SPECC1L: variants seen among roughly 807,000 people sequenced by gnomAD.
SPECC1L encodes sperm antigen with calponin homology and coiled-coil domains 1 like, also known as cytospin-A.
Under a neutral mutation model 116.8 loss-of-function variants are expected in SPECC1L, and 40 were observed. The ratio of observed to expected loss-of-function variants is 0.34; its 90% confidence interval spans 0.27 to 0.45. The LOEUF (loss-of-function observed/expected upper bound fraction) is 0.45, where lower values mean the gene tolerates loss of function less well. SPECC1L is among the 20% of genes least tolerant of loss of function. The pLI is 1.00. For missense variants in SPECC1L, 1,110 were observed against 1,373.6 expected, an observed-to-expected ratio of 0.81 and a Z score of 3.03; for synonymous variants, 504 against 500.6, an observed-to-expected ratio of 1.01 and a Z score of -0.09.
intron 16 of SPECC1L, among the ~76,000 whole-genome samples, chr22:24,413,169 C>T (rs928200722): frequency 6.6e-6 from 1 of 152,180 alleles, no homozygotes; most frequent in Admixed American, 6.5e-5. Context: ...GAGGCTGGAC[C>T]GGGGAGGCTC....
chr22:24,287,287 G>A (rs1408443477), intron 2 of SPECC1L, among the ~76,000 whole-genome samples: 1 of 152,220 alleles, frequency 6.6e-6, no homozygotes, highest in Admixed American at 6.5e-5. Context: ...AGGTATCGGC[G>A]CTGGGGTATT....
chr22:24,384,205 T>C (rs545342383), intron 14 of SPECC1L, among the ~76,000 whole-genome samples: 7 of 151,894 alleles, frequency 4.6e-5, no homozygotes, highest in Non-Finnish European at 1.0e-4. Context: ...TCATAAGTGC[T>C]AAAAGTCAAG....
At chr22:24,348,932 G>A (rs1310347368) in intron 11 of SPECC1L, among the ~76,000 whole-genome samples, 1 of 152,212 alleles carries the variant, frequency 6.6e-6, no homozygotes, top group African/African-American at 2.4e-5. Flanking sequence ...GCACTGTTGA[G>A]CACTCTGTCT....
intron 3 of SPECC1L, among the ~76,000 whole-genome samples, chr22:24,309,246 T>C (rs544617161): frequency 1.3e-5 from 2 of 152,328 alleles, no homozygotes; most frequent in East Asian, 1.9e-4. Context: ...AGGTTCATAA[T>C]AGCCTTTCCA....
rs147755462 is a variant in SPECC1L, at chr22:24,292,969, C to T, written c.-37-9226C>T. Among the ~76,000 whole-genome samples the T allele has an allele frequency of 2.8e-4, 42 of 152,248 alleles. No homozygotes were observed. In the East Asian group the frequency reaches 3.3e-3, roughly 12 times the overall value. ...TAGATTTTTTAGAATACAGATTACA[C>T]AGCAATGAAGAGGATGAGCTGGGCA... On this transcript the variant is annotated intron_variant, in intron 2 of 16. Transcript: ENST00000314328.
intron 14 of SPECC1L, among the ~76,000 whole-genome samples, chr22:24,373,251 T>C (rs1450666024): frequency 6.6e-6 from 1 of 152,160 alleles, no homozygotes; most frequent in Admixed American, 6.5e-5. Context: ...CCAATGACTT[T>C]CTTCACAGAA....
chr22:24,312,142 T>G (rs911224085), intron 3 of SPECC1L, among the ~76,000 whole-genome samples: 1 of 152,096 alleles, frequency 6.6e-6, no homozygotes, highest in African/African-American at 2.4e-5. Flanking sequence ...GTAATTAGTT[T>G]TCAAATTTTT....
chr22:24,361,646 AT>A (rs1013428059), intron 11 of SPECC1L, among the ~76,000 whole-genome samples: 2 of 151,634 alleles, frequency 1.3e-5, no homozygotes, highest in African/African-American at 4.9e-5. Context: ...AAATACAAAA[AT>A]TAGTCAGGTG....
chr22:24,390,817 G>A (rs1334997456), intron 14 of SPECC1L, among the ~76,000 whole-genome samples: 3 of 145,258 alleles, frequency 2.1e-5, no homozygotes, highest in African/African-American at 7.7e-5. Flanking sequence ...AATAGAAACA[G>A]CTTGTATCTC....
intron 9 of SPECC1L, among the ~76,000 whole-genome samples, chr22:24,335,022 G>A (rs764845636): frequency 6.6e-6 from 1 of 152,114 alleles, no homozygotes; most frequent in Non-Finnish European, 1.5e-5. Flanking sequence ...TTCTCCCCAT[G>A]CATCAATGGC....
At chr22:24,314,197 A>G (rs1367712808) in intron 4 of SPECC1L, among the ~76,000 whole-genome samples, 1 of 151,140 alleles carries the variant, frequency 6.6e-6, no homozygotes, top group Non-Finnish European at 1.5e-5. Flanking sequence ...GGCGCCCACC[A>G]CCAAGCCCAG....
At chr22:24,317,864 C>T (rs1380714017) in intron 4 of SPECC1L, among the ~76,000 whole-genome samples, 2 of 151,410 alleles carry the variant, frequency 1.3e-5, no homozygotes, top group Non-Finnish European at 2.9e-5. Context: ...CGGGCAGAGA[C>T]GCTCCTCACA....
chr22:24,398,883 T>G (rs1569448180), intron 14 of SPECC1L, among the ~76,000 whole-genome samples: 1 of 152,236 alleles, frequency 6.6e-6, no homozygotes, highest in Non-Finnish European at 1.5e-5. Flanking sequence ...CCTCAGAGCA[T>G]GCACCAGGGC....
intron 1 of SPECC1L, among the ~76,000 whole-genome samples, chr22:24,274,765 C>G (rs1250160920): frequency 1.3e-5 from 2 of 152,196 alleles, no homozygotes; most frequent in Non-Finnish European, 2.9e-5. Flanking sequence ...TCAGCAGCCC[C>G]AGTACCTTCG....
At chr22:24,328,391 G>A (rs2040872166) in intron 6 of SPECC1L, among the ~76,000 whole-genome samples, 1 of 152,042 alleles carries the variant, frequency 6.6e-6, no homozygotes, top group Non-Finnish European at 1.5e-5. Flanking sequence ...GCTACCCTGA[G>A]TATTATATTT....
intron 4 of SPECC1L, among the ~76,000 whole-genome samples, chr22:24,320,274 A>G (rs1050793067): frequency 2.0e-5 from 3 of 152,196 alleles, no homozygotes; most frequent in South Asian, 2.1e-4. Context: ...GAGAGACTCC[A>G]TCTCAAAAAA....
intron 2 of SPECC1L, among the ~76,000 whole-genome samples, chr22:24,289,358 A>G (rs528568189): frequency 1.4e-4 from 22 of 152,316 alleles, no homozygotes; most frequent in Admixed American, 2.0e-4. Flanking sequence ...ACTTGTCTGG[A>G]ATGTTAAGTG....
At chr22:24,276,217 T>C (rs1179958035) in intron 1 of SPECC1L, among the ~76,000 whole-genome samples, 2 of 151,924 alleles carry the variant, frequency 1.3e-5, no homozygotes, top group Non-Finnish European at 2.9e-5. Flanking sequence ...TCTGTACAGA[T>C]AAACATTTTA....
At chr22:24,369,192 T>G (rs1479024852) in intron 13 of SPECC1L, 26 bp from the exon 14 acceptor site, 12 of 1,563,382 alleles carry the variant, frequency 7.7e-6, no homozygotes, top group Non-Finnish European at 1.1e-5. Flanking sequence ...CAAAAAATAT[T>G]TCAACTTTGG....
Sources: gnomAD v4.1 joint callset for allele counts (sites outside exome capture counted in the v4.1 genomes callset) on GRCh38, gnomAD v4.1.1 for gene constraint, MANE v1.5 for transcripts, NCBI Gene and HGNC (gene_info 2026-07-23, HGNC 2026-07-21) for gene names.